The following GOLGA8M variants were observed in gnomAD, a reference collection of about 807,000 sequenced individuals.
GOLGA8M encodes the protein golgin A8 family member M, also known as golgin subfamily A member 8M.
GOLGA8M carries 34 observed loss-of-function variants against 87.7 expected under a neutral mutation model. The ratio of observed to expected loss-of-function variants is 0.39; its 90% CI spans 0.29 to 0.52. The LOEUF (loss-of-function observed/expected upper bound fraction) is 0.52. GOLGA8M is among the 20% of genes least tolerant of loss of function. GOLGA8M has a pLI of 0.80. For missense variants in GOLGA8M, 396 were observed against 682.2 expected (o/e 0.58, Z 4.67); for synonymous variants, 138 against 250.2 (o/e 0.55, Z 4.23).
At position 28,702,640 on chromosome 15, in the gene GOLGA8M, C is replaced by T. The variant is rs768038279; in HGVS notation, c.1469+5G>A. 69 of 1,610,106 alleles carry T rather than the reference C, an allele frequency of 4.3e-5. No individual in the cohort carries two copies. Among genetic ancestry groups the T allele is most frequent in the East Asian group, 8.9e-5 (4 of 44,828 alleles). Reference sequence around the variant, plus strand: ...CCCCCTGCCGTGCCCTGGCCTCCCACTCACTGATGGCATCTCTCTTGCCAG... The same window carrying T: ...CCCCCTGCCGTGCCCTGGCCTCCCATTCACTGATGGCATCTCTCTTGCCAG... On this transcript the variant is annotated splice_donor_5th_base_variant and intron_variant, in intron 16 of 18. Coordinates refer to ENST00000563027, the MANE Select transcript of GOLGA8M (RefSeq NM_001282468.3).
In GOLGA8M at chr15:28,701,050, G is replaced by A. The variant is rs949750746; in HGVS notation, c.*904C>T. Among the ~76,000 whole-genome samples the A allele has an allele frequency of 7.9e-5, 12 of 152,152 alleles. No individual in the cohort carries two copies. The highest frequency in any genetic ancestry group is 2.2e-4 in the African/African-American group (9 of 41,412). On this transcript the variant is annotated 3_prime_UTR_variant, in exon 19 of 19. Coordinates refer to ENST00000563027, the MANE Select transcript of GOLGA8M (RefSeq NM_001282468.3). ...GTAACATGAACTCTGACTTTAAAATGTATTGTAGATACAAATGCTCTAAGC... is the reference window on the plus strand; with the variant it reads ...GTAACATGAACTCTGACTTTAAAATATATTGTAGATACAAATGCTCTAAGC...
upstream of GOLGA8M, among the ~76,000 whole-genome samples, chr15:28,712,790 T>C (rs554704164): frequency 4.6e-5 from 7 of 152,376 alleles, no homozygotes; most frequent in South Asian, 2.1e-4. Context: ...GTCTATGATT[T>C]TGGCCTACAT....
At position 28,712,139 on chromosome 15, in the gene GOLGA8M, A is replaced by G. The variant is rs893325950; in HGVS notation, c.48+137T>C. On this transcript the variant is annotated intron_variant, in intron 1 of 18. Transcript: ENST00000563027. ...GGTGGGGCTGACTGACAAAACTTTG[A>G]TGGGGGTAGCCCAAGGCACCGGGGT... The G allele has an allele frequency of 7.8e-4, 1,202 of 1,535,124 alleles. 5 individuals carry two copies. In the African/African-American group the frequency reaches 0.011, roughly 14 times the overall value.
Position 28,703,286 on chromosome 15 carries a change from T to A in GOLGA8M, c.1368+33A>T, listed in dbSNP as rs554731624. The A allele has an allele frequency of 4.2e-3, 1,768 of 425,194 alleles. 19 individuals carry two copies. The highest frequency in any genetic ancestry group is 4.2e-3 in the Non-Finnish European group (1,072 of 255,808). 26.3% of individuals were successfully genotyped at this position (425,194 alleles called of 1,614,324 possible). On this transcript the variant is annotated intron_variant, in intron 15 of 18. Coordinates refer to ENST00000563027, the MANE Select transcript of GOLGA8M (RefSeq NM_001282468.3). ...GTCTTGGAGGGACCACAGAGAAAGG[T>A]GGCAAAATGGGTGCAGGGGGAGTCA...
At position 28,702,498 on chromosome 15, in the gene GOLGA8M, G is replaced by A; in HGVS notation, c.1534C>T (p.His512Tyr). Reference protein sequence around the residue: ...RAKDAALGGGHHQAGAQGGDE... With the variant: ...RAKDAALGGGYHQAGAQGGDE... ...CCTCCCTGAGCTCCAGCCTGATGGTGTCCTCCTCCCAGTGCCGCATCTTTG... is the reference window on the plus strand; with the variant it reads ...CCTCCCTGAGCTCCAGCCTGATGGTATCCTCCTCCCAGTGCCGCATCTTTG... The change falls in exon 17 of 19, where the codon CAC becomes TAC. Residue 512 changes from histidine to tyrosine, a missense_variant. Coordinates refer to ENST00000563027, the MANE Select transcript of GOLGA8M (RefSeq NM_001282468.3). 6.3e-7 allele frequency: 1 copy of A among 1,589,806 alleles called. No individual in the cohort carries two copies. Among genetic ancestry groups the A allele is most frequent in the Non-Finnish European group, 8.5e-7 (1 of 1,178,524 alleles).
chr15:28,702,287 G>T lies in GOLGA8M; in HGVS notation c.1650C>A (p.Ala550=). 1.3e-6 allele frequency: 2 copies of T among 1,546,328 alleles called. No individual in the cohort carries two copies. The highest frequency in any genetic ancestry group is 8.6e-7 in the Non-Finnish European group (1 of 1,156,272). ...NNGHRKFLAA[A]HNSADEPGPG... Reference sequence around the variant, plus strand: ...GACCGGGCTCATCAGCAGAGTTGTGGGCAGCGGCCAGGAATTTTCTGTGCC... The same window carrying T: ...GACCGGGCTCATCAGCAGAGTTGTGTGCAGCGGCCAGGAATTTTCTGTGCC... The change falls in exon 18 of 19, where the codon GCC becomes GCA. Residue 550 remains alanine (A), a synonymous_variant. Coordinates refer to ENST00000563027, the MANE Select transcript of GOLGA8M (RefSeq NM_001282468.3).
chr15:28,707,247 G>A (rs2080060874), intron 8 of GOLGA8M, among the ~76,000 whole-genome samples: 1 of 133,910 alleles, frequency 7.5e-6, no homozygotes, highest in African/African-American at 3.1e-5. Context: ...CATTTGCATA[G>A]TCCAAAACTC....
At chr15:28,704,928 G>T (rs2079964801) in intron 13 of GOLGA8M, 3 of 889,898 alleles carry the variant, frequency 3.4e-6, no homozygotes, top group Non-Finnish European at 5.2e-6. Context: ...CTGTGATTGG[G>T]GGCTCCATGC....
chr15:28,712,019 G>A (rs911818980), intron 1 of GOLGA8M: 1 of 984,920 alleles, frequency 1.0e-6, no homozygotes, highest in Non-Finnish European at 1.2e-6. Context: ...CAGGAGATGA[G>A]GGCCCAGTAA....
At chr15:28,708,799 C>G (rs567995506) in intron 4 of GOLGA8M, among the ~76,000 whole-genome samples, 9 of 151,782 alleles carry the variant, frequency 5.9e-5, no homozygotes, top group African/African-American at 9.7e-5. Context: ...TGGAAAAGGA[C>G]AGACAGGAGC....
Position 28,706,753 on chromosome 15 carries a change from C to T in GOLGA8M, c.592-54G>A. On this transcript the variant is annotated intron_variant, in intron 8 of 18. Transcript: ENST00000563027. ...TCTGGAGAGCCTGGGCATTTCCACACAGTGCCCCTTAACAGGGCTCGGGCT... is the reference window on the plus strand; with the variant it reads ...TCTGGAGAGCCTGGGCATTTCCACATAGTGCCCCTTAACAGGGCTCGGGCT... 4 of 1,455,266 alleles carry T rather than the reference C, an allele frequency of 2.7e-6. No individual in the cohort carries two copies. In the South Asian group the frequency reaches 3.6e-5, roughly 13 times the overall value. The allele number at this position is 1,455,266 out of a possible 1,614,324, so 90.1% of individuals were successfully genotyped here.
chr15:28,712,735 A>G (rs28461933), upstream of GOLGA8M, among the ~76,000 whole-genome samples: 4 of 152,196 alleles, frequency 2.6e-5, no homozygotes, highest in Admixed American at 1.3e-4. Context: ...GTGCGTATCT[A>G]TGTTTTTCTC....
Position 28,705,595 on chromosome 15 carries a change from T to C in GOLGA8M, c.1019A>G (p.Glu340Gly). The change falls in exon 12 of 19, where the codon GAA becomes GGA. Residue 340 changes from glutamate to glycine, a missense_variant. Glu to Gly is a moderately conservative substitution (Grantham distance 98). Around this residue, in one of 12 missense-constraint regions of GOLGA8M, gnomAD observed 28 missense variants for 55.2 expected, o/e 0.51. Coordinates refer to ENST00000563027, the MANE Select transcript of GOLGA8M (RefSeq NM_001282468.3). ...CTCTTCCTGCTCCCGAATCCTCTCT[T>C]CTTGTCGCTGGTTCAGGAGACTTAT... ...QRISLLNQRQ[E>G]ERIREQEERL... is the part of the protein sequence containing the mutation. The C allele has an allele frequency of 6.3e-7, 1 of 1,587,982 alleles. No individual in the cohort carries two copies. The highest frequency in any genetic ancestry group is 8.5e-7 in the Non-Finnish European group (1 of 1,177,874).
chr15:28,702,566 C>T lies in GOLGA8M; in HGVS notation c.1470-4G>A, dbSNP rs536954289. 158 of 1,607,524 alleles carry T rather than the reference C, an allele frequency of 9.8e-5. No individual in the cohort carries two copies. Among genetic ancestry groups the T allele is most frequent in the Middle Eastern group, 1.7e-4 (1 of 5,768 alleles). The stretch of plus-strand genomic sequence containing the variant: ...TGATAAAAGGTGATGGATTTTCCTG[C>T]GGGAGGACGGGGCTCAGACGCTGGG... On this transcript the variant is annotated splice_polypyrimidine_tract_variant and splice_region_variant and intron_variant, in intron 16 of 18. Coordinates refer to ENST00000563027, the MANE Select transcript of GOLGA8M (RefSeq NM_001282468.3).
At position 28,701,279 on chromosome 15, in the gene GOLGA8M, A is replaced by G. The variant is rs1297768025; in HGVS notation, c.*675T>C. 6.6e-6 allele frequency among the ~76,000 whole-genome samples: 1 copy of G among 151,688 alleles called. No homozygotes were observed. Among genetic ancestry groups the G allele is most frequent in the Non-Finnish European group, 1.5e-5 (1 of 68,032 alleles). On this transcript the variant is annotated 3_prime_UTR_variant, in exon 19 of 19. Coordinates refer to ENST00000563027, the MANE Select transcript of GOLGA8M (RefSeq NM_001282468.3). ...CACCGGAACAGATGAAACACACTCTATCCTGCACATACCTGCCAGAGGAAG... is the reference window on the plus strand; with the variant it reads ...CACCGGAACAGATGAAACACACTCTGTCCTGCACATACCTGCCAGAGGAAG...
In GOLGA8M at chr15:28,708,126, C is replaced by T. The variant is rs1453708951; in HGVS notation, c.396G>A (p.Glu132=). ...AGGAAACTGCACACCCTCCACTCAC[C>T]TCTAGCACCCTTTTGGCTTTCTGTT... The part of the protein sequence containing the change: ...NKKQKAKRVL[E]VQLQTLNIQK... The change falls in exon 6 of 19, where the codon GAG becomes GAA. Residue 132 remains glutamate, a splice_region_variant and synonymous_variant. Coordinates refer to ENST00000563027, the MANE Select transcript of GOLGA8M (RefSeq NM_001282468.3). 1.3e-6 allele frequency: 2 copies of T among 1,597,786 alleles called. No individual in the cohort carries two copies. Among genetic ancestry groups the T allele is most frequent in the South Asian group, 1.1e-5 (1 of 90,082 alleles).
At chr15:28,711,626 C>A (rs2080197766) in intron 1 of GOLGA8M, 4 of 985,046 alleles carry the variant, frequency 4.1e-6, no homozygotes, top group African/African-American at 1.8e-5. Context: ...CCAGAGGAAC[C>A]AGAAACGAGG....
intron 1 of GOLGA8M, 199 bp downstream of exon 1, chr15:28,712,077 G>A (rs1433710334): frequency 1.0e-6 from 1 of 983,662 alleles, no homozygotes; most frequent in Admixed American, 6.2e-5. Flanking sequence ...ACCCTGGGGT[G>A]ATTGGCGAGG....
intron 13 of GOLGA8M, 77 bp downstream of exon 13, chr15:28,705,082 G>C (rs1343005281): frequency 3.1e-5 from 49 of 1,578,906 alleles, no homozygotes; most frequent in East Asian, 1.4e-4. Flanking sequence ...CCTCTGGCCT[G>C]GTACCTCCCC....
Sources: gnomAD v4.1 joint callset for allele counts (sites outside exome capture counted in the v4.1 genomes callset) on GRCh38, gnomAD v4.1.1 for gene constraint, gnomAD v4.1.1 regional missense constraint, MANE v1.5 for transcripts, NCBI Gene and HGNC (gene_info 2026-07-23, HGNC 2026-07-21) for gene names.